Variants in CCBE1 observed in about 807,000 individuals in gnomAD.
The protein encoded by CCBE1 is collagen and calcium-binding EGF domain-containing protein 1.
A neutral mutation model predicts 50.0 loss-of-function variants in CCBE1; 37 were observed. That is an observed-to-expected ratio of 0.74 (90% CI 0.57 to 0.97). CCBE1 has a LOEUF of 0.97. CCBE1 is among the 50% of genes least tolerant of loss of function. The pLI is 0.00. For missense variants in CCBE1, 538 were observed against 523.8 expected (o/e 1.03, Z -0.26); for synonymous variants, 234 against 203.7 (o/e 1.15, Z -1.27).
chr18:59,666,434 G>A (rs1380657450), intron 2 of CCBE1, among the ~76,000 whole-genome samples: 3 of 152,088 alleles, frequency 2.0e-5, no homozygotes, highest in Non-Finnish European at 4.4e-5. Context: ...CCATTTTTGT[G>A]AAAACCAGGA....
intron 2 of CCBE1, among the ~76,000 whole-genome samples, chr18:59,585,545 A>G (rs996780318): frequency 1.3e-5 from 2 of 152,226 alleles, no homozygotes; most frequent in Non-Finnish European, 2.9e-5. Context: ...TTTTCTGAGA[A>G]CCACTTTCAG....
At chr18:59,672,803 G>A (rs1160963549) in intron 2 of CCBE1, among the ~76,000 whole-genome samples, 1 of 152,190 alleles carries the variant, frequency 6.6e-6, no homozygotes, top group African/African-American at 2.4e-5. Context: ...TTATAAGTGG[G>A]AACTAAACTA....
At chr18:59,588,531 A>G (rs570949115) in intron 2 of CCBE1, among the ~76,000 whole-genome samples, 4 of 152,270 alleles carry the variant, frequency 2.6e-5, no homozygotes, top group African/African-American at 9.6e-5. Context: ...TGATCCTCAT[A>G]TAATTGGAAC....
At chr18:59,473,454 T>C (rs1403859260) in intron 3 of CCBE1, among the ~76,000 whole-genome samples, 1 of 152,180 alleles carries the variant, frequency 6.6e-6, no homozygotes, top group Non-Finnish European at 1.5e-5. Flanking sequence ...AATCTGGAAA[T>C]TAATATCCTT....
intron 2 of CCBE1, among the ~76,000 whole-genome samples, chr18:59,509,959 A>G (rs12956826): frequency 0.31 from 46,404 of 151,818 alleles, 7,649 homozygotes; most frequent in African/African-American, 0.43. Context: ...TTGTTGTACA[A>G]GGACACCAGG....
intron 2 of CCBE1, among the ~76,000 whole-genome samples, chr18:59,645,431 A>AT (rs2054043393): frequency 6.6e-6 from 1 of 152,184 alleles, no homozygotes; most frequent in African/African-American, 2.4e-5. Context: ...GAAAAAAAAG[A>AT]TTTTAAAACT....
chr18:59,527,542 C>G (rs1385967439), intron 2 of CCBE1, among the ~76,000 whole-genome samples: 1 of 152,052 alleles, frequency 6.6e-6, no homozygotes, highest in Non-Finnish European at 1.5e-5. Context: ...ATGATGCTAG[C>G]TGGTTATTTT....
chr18:59,644,591 A>G (rs1383840168), intron 2 of CCBE1, among the ~76,000 whole-genome samples: 1 of 152,262 alleles, frequency 6.6e-6, no homozygotes, highest in African/African-American at 2.4e-5. Context: ...ATGCTGCAGT[A>G]GTTAATCTTT....
At chr18:59,669,471 A>G (rs996989447) in intron 2 of CCBE1, among the ~76,000 whole-genome samples, 11 of 152,218 alleles carry the variant, frequency 7.2e-5, no homozygotes, top group Non-Finnish European at 1.5e-5. Flanking sequence ...CTGGAAGGTG[A>G]GGTACAGGGA....
rs1021000494 is a variant in CCBE1 at position 59,477,538 on chromosome 18, C to CTCTGTGTGTGTG, written c.265+2647_265+2648insCACACACACAGA. Among the ~76,000 whole-genome samples the CTCTGTGTGTGTG allele has an allele frequency of 6.0e-5, 9 of 149,996 alleles. No individual in the cohort carries two copies. The East Asian group carries it at 1.6e-3, about 26-fold the overall frequency. On this transcript the variant is annotated intron_variant, in intron 3 of 10. Transcript: ENST00000439986. ...CTTTCCATGGATTATTTCCATGTCT[C>CTCTGTGTGTGTG]TGTGTGTGTGTGTGTGTGTGTGTGT...
chr18:59,547,072 G>GGGGACAGAGA (rs1568199214), intron 2 of CCBE1, among the ~76,000 whole-genome samples: 1 of 61,702 alleles, frequency 1.6e-5, no homozygotes, highest in Non-Finnish European at 3.0e-5. Context: ...GGGGAGAGAG[G>GGGGACAGAGA]GGGAGAGAAA....
intron 2 of CCBE1, among the ~76,000 whole-genome samples, chr18:59,487,662 T>G (rs1202016393): frequency 2.0e-5 from 3 of 152,218 alleles, no homozygotes; most frequent in Non-Finnish European, 1.5e-5. Flanking sequence ...TTCATCTACA[T>G]GTAAGCTTGT....
chr18:59,514,865 C>CT (rs1171586264), intron 2 of CCBE1, among the ~76,000 whole-genome samples: 1 of 151,882 alleles, frequency 6.6e-6, no homozygotes, highest in Non-Finnish European at 1.5e-5. Flanking sequence ...ATCAATAAAC[C>CT]TCTATAATTC....
chr18:59,460,933 TCAAAAATA>T (rs1911435342), intron 5 of CCBE1, among the ~76,000 whole-genome samples: 1 of 63,208 alleles, frequency 1.6e-5, no homozygotes, highest in Non-Finnish European at 3.6e-5. Context: ...AGACTCTGTC[TCAAAAATA>T]AATAAATAAA....
At chr18:59,503,707 A>G (rs909037612) in intron 2 of CCBE1, among the ~76,000 whole-genome samples, 4 of 152,104 alleles carry the variant, frequency 2.6e-5, no homozygotes, top group African/African-American at 7.2e-5. Context: ...TGTATTTTCT[A>G]TCCTATTAAT....
At chr18:59,616,472 C>A (rs183476602) in intron 2 of CCBE1, among the ~76,000 whole-genome samples, 1 of 152,108 alleles carries the variant, frequency 6.6e-6, no homozygotes, top group African/African-American at 2.4e-5. Flanking sequence ...ACTAAAAAGC[C>A]GCCCCTTTCC....
chr18:59,494,370 C>A (rs906563849), intron 2 of CCBE1, among the ~76,000 whole-genome samples: 1 of 152,192 alleles, frequency 6.6e-6, no homozygotes, highest in African/African-American at 2.4e-5. Context: ...GATCCTTAGA[C>A]AACCTTTAGG....
intron 2 of CCBE1, among the ~76,000 whole-genome samples, chr18:59,488,550 C>A (rs566959074): frequency 6.6e-6 from 1 of 152,030 alleles, no homozygotes; most frequent in African/African-American, 2.4e-5. Context: ...CCAACAAGGC[C>A]GCAAGCGATG....
At chr18:59,472,949 G>A (rs796379618) in intron 3 of CCBE1, among the ~76,000 whole-genome samples, 1 of 152,172 alleles carries the variant, frequency 6.6e-6, no homozygotes, top group African/African-American at 2.4e-5. Flanking sequence ...ATCAGATCTT[G>A]TGAGACTTAC....
Sources: gnomAD v4.1 joint callset for allele counts (sites outside exome capture counted in the v4.1 genomes callset) on GRCh38, gnomAD v4.1.1 for gene constraint, MANE v1.5 for transcripts, NCBI Gene and HGNC (gene_info 2026-07-23, HGNC 2026-07-21) for gene names.